The following CNNM2 variants were observed in gnomAD, a reference collection of about 807,000 sequenced individuals.
The protein encoded by CNNM2 is cyclin and CBS domain divalent metal cation transport mediator 2.
CNNM2 carries 12 observed loss-of-function variants against 66.9 expected under a neutral mutation model. The ratio of observed to expected loss-of-function variants is 0.18; its 90% CI spans 0.11 to 0.29. The LOEUF (loss-of-function observed/expected upper bound fraction) is 0.29, where lower values mean the gene tolerates loss of function less well. Among genes scored for constraint, CNNM2 ranks in the 10% least tolerant of loss-of-function variants. The pLI is 1.00. For missense variants in CNNM2, 705 were observed against 1,167.7 expected (o/e 0.60, Z 5.77); for synonymous variants, 557 against 501.8 (o/e 1.11, Z -1.47).
rs908428664 is a variant in CNNM2, at chr10:103,090,113, G to A, written c.*12933G>A. The A allele has an allele frequency of 4.9e-5, 22 of 452,640 alleles. No homozygotes were observed. In the East Asian group the frequency reaches 5.9e-4, roughly 12 times the overall value. 28.0% of individuals were successfully genotyped at this position (452,640 alleles called of 1,614,324 possible). The stretch of plus-strand genomic sequence containing the variant: ...TGCCCCTCAAAATGGTGCCCATATT[G>A]TCTACTGCAGCTGGAAATTGGAAAA... On this transcript the variant is annotated 3_prime_UTR_variant, in exon 8 of 8. Transcript: ENST00000369878.
At chr10:103,057,713 C>A (rs560016578) in intron 4 of CNNM2, among the ~76,000 whole-genome samples, 2 of 152,246 alleles carry the variant, frequency 1.3e-5, no homozygotes, top group East Asian at 3.9e-4. Context: ...TCCATTAACG[C>A]CATCAAAATA....
chr10:102,950,161 A>G (rs1846774800), intron 1 of CNNM2, among the ~76,000 whole-genome samples: 1 of 152,204 alleles, frequency 6.6e-6, no homozygotes, highest in Non-Finnish European at 1.5e-5. Flanking sequence ...GGTATTAATC[A>G]TTATGTGGTA....
At chr10:102,937,832 C>T (rs937886394) in intron 1 of CNNM2, among the ~76,000 whole-genome samples, 3 of 151,350 alleles carry the variant, frequency 2.0e-5, no homozygotes, top group African/African-American at 7.3e-5. Flanking sequence ...CCTATGTTGC[C>T]CAGGCTGGTC....
chr10:102,987,572 C>T (rs570118996), intron 1 of CNNM2, among the ~76,000 whole-genome samples: 14 of 152,162 alleles, frequency 9.2e-5, no homozygotes, highest in Admixed American at 7.8e-4. Context: ...CTGCCCGCCT[C>T]GGCCTCCCAA....
chr10:102,966,647 T>G lies in CNNM2; in HGVS notation c.1621+46546T>G, dbSNP rs116289782. On this transcript the variant is annotated intron_variant, in intron 1 of 7. Coordinates refer to ENST00000369878, the MANE Select transcript of CNNM2 (RefSeq NM_017649.5). ...CATCCCAACCTAAAAGGATCTTGTT[T>G]AAATGGTGCCTATTCCCTGTAGATT... is the stretch of plus-strand genomic sequence containing the variant. 2.3e-3 allele frequency among the ~76,000 whole-genome samples: 346 copies of G among 152,282 alleles called. 4 individuals carry two copies. The highest frequency in any genetic ancestry group is 7.9e-3 in the African/African-American group (328 of 41,570).
intron 1 of CNNM2, among the ~76,000 whole-genome samples, chr10:103,046,954 T>C (rs1564859691): frequency 6.6e-6 from 1 of 152,346 alleles, no homozygotes; most frequent in East Asian, 1.9e-4. Flanking sequence ...TTTGGACTCT[T>C]ACATTAACTT....
intron 1 of CNNM2, among the ~76,000 whole-genome samples, chr10:102,960,380 T>C (rs1185360116): frequency 6.6e-6 from 1 of 152,208 alleles, no homozygotes; most frequent in Admixed American, 6.5e-5. Flanking sequence ...TCTTTTGTCA[T>C]TACGTTAATG....
chr10:102,918,624 G>T lies in CNNM2; in HGVS notation c.144G>T (p.Leu48=). 1.9e-6 allele frequency: 3 copies of T among 1,543,384 alleles called. No individual in the cohort carries two copies. Among genetic ancestry groups the T allele is most frequent in the Non-Finnish European group, 2.6e-6 (3 of 1,145,552 alleles). Residue 48 remains leucine, a synonymous_variant, in exon 1 of 8, where the codon CTG becomes CTT. Transcript: ENST00000369878. The surrounding 1 kb of genome is among the most constrained non-coding windows in gnomAD (Gnocchi z 4.1). ...TCCTGCAGGCGGCTGCGGGGCGGCTGCTGCCGCTGCTCCTGCTGAGCTGCT... is the reference window on the plus strand; with the variant it reads ...TCCTGCAGGCGGCTGCGGGGCGGCTTCTGCCGCTGCTCCTGCTGAGCTGCT... The part of the protein sequence containing the change: ...RGILQAAAGR[L]LPLLLLSCCC...
intron 1 of CNNM2, among the ~76,000 whole-genome samples, chr10:103,003,286 G>A: frequency 6.6e-6 from 1 of 151,900 alleles, no homozygotes; most frequent in East Asian, 1.9e-4. Context: ...GATAATTTTT[G>A]TGGTTTTAGT....
intron 1 of CNNM2, among the ~76,000 whole-genome samples, chr10:102,936,242 A>G (rs1846236343): frequency 6.6e-6 from 1 of 152,106 alleles, no homozygotes; most frequent in Admixed American, 6.6e-5. Flanking sequence ...AGAGATGGAA[A>G]TATTTGAGCA....
At chr10:103,064,962 A>T (rs1419905073) in intron 4 of CNNM2, among the ~76,000 whole-genome samples, 1 of 152,120 alleles carries the variant, frequency 6.6e-6, no homozygotes, top group Non-Finnish European at 1.5e-5. Context: ...GGCCGTTAGG[A>T]TGGAAATGTC....
chr10:103,010,374 A>G (rs1307779823), intron 1 of CNNM2, among the ~76,000 whole-genome samples: 1 of 151,918 alleles, frequency 6.6e-6, no homozygotes, highest in Non-Finnish European at 1.5e-5. Flanking sequence ...GATAGCTGGG[A>G]CTACAGGCAT....
At chr10:102,977,048 A>G (rs2063645711) in intron 1 of CNNM2, among the ~76,000 whole-genome samples, 3 of 152,126 alleles carry the variant, frequency 2.0e-5, no homozygotes. Flanking sequence ...GGCTCACAGT[A>G]TTATTCTTCC....
intron 6 of CNNM2, among the ~76,000 whole-genome samples, chr10:103,074,782 C>G (rs2134369657): frequency 6.6e-6 from 1 of 152,218 alleles, no homozygotes; most frequent in South Asian, 2.1e-4. Flanking sequence ...TACAGTGAGC[C>G]AAGATCACAC....
intron 1 of CNNM2, among the ~76,000 whole-genome samples, chr10:102,985,517 C>G (rs891735946): frequency 1.3e-5 from 2 of 152,088 alleles, no homozygotes; most frequent in East Asian, 3.9e-4. Flanking sequence ...TGGCTCTAAA[C>G]TAACCAGCAG....
At chr10:103,033,230 A>C (rs2064863754) in intron 1 of CNNM2, among the ~76,000 whole-genome samples, 1 of 151,914 alleles carries the variant, frequency 6.6e-6, no homozygotes, top group Admixed American at 6.6e-5. Context: ...GCTTTGTCAC[A>C]CAGGCTGGAG....
At chr10:103,009,381 G>T (rs917414184) in intron 1 of CNNM2, among the ~76,000 whole-genome samples, 1 of 152,138 alleles carries the variant, frequency 6.6e-6, no homozygotes, top group Non-Finnish European at 1.5e-5. Flanking sequence ...GATTGAACCA[G>T]AAAAATTTTG....
intron 1 of CNNM2, among the ~76,000 whole-genome samples, chr10:103,037,926 A>G (rs968902096): frequency 5.9e-5 from 9 of 151,736 alleles, no homozygotes; most frequent in African/African-American, 2.2e-4. Flanking sequence ...TGCAACCTCC[A>G]CCTCTTGGGT....
rs1008673587 is a variant in CNNM2, at chr10:103,088,363, A to G, written c.*11183A>G. On this transcript the variant is annotated 3_prime_UTR_variant, in exon 8 of 8. Coordinates refer to ENST00000369878, the MANE Select transcript of CNNM2 (RefSeq NM_017649.5). The stretch of plus-strand genomic sequence containing the variant: ...TAATGATTCATTCTTGTTTAAAACA[A>G]GAGGTGATTTCGACTTGGGATTGGG... The G allele has an allele frequency of 2.0e-5, 3 of 152,206 alleles. No homozygotes were observed. The highest frequency in any genetic ancestry group is 7.2e-5 in the African/African-American group (3 of 41,440). 9.4% of individuals were successfully genotyped at this position (152,206 alleles called of 1,614,324 possible).
Sources: allele counts gnomAD v4.1 joint callset (sites outside exome capture counted in the v4.1 genomes callset), GRCh38; gene constraint gnomAD v4.1.1; non-coding constraint Gnocchi (gnomAD v3.1); transcripts MANE v1.5; gene names NCBI Gene and HGNC (gene_info 2026-07-23, HGNC 2026-07-21).